Variants in HTR4 observed in about 807,000 individuals in gnomAD.
HTR4 encodes the protein 5-hydroxytryptamine (serotonin) receptor 4, G protein-coupled.
HTR4 carries 16 observed loss-of-function variants against 36.8 expected under a neutral mutation model. The observed-to-expected ratio is 0.43, with a 90% CI of 0.29 to 0.66. The LOEUF (loss-of-function observed/expected upper bound fraction) is 0.66, where lower values mean the gene tolerates loss of function less well. Ranked by LOEUF, HTR4 falls within the 30% of genes least tolerant of loss-of-function variation. HTR4 has a pLI of 0.13. For missense variants in HTR4, 438 were observed against 490.9 expected, an observed-to-expected ratio of 0.89 and a Z score of 1.02; for synonymous variants, 189 against 185.1, an observed-to-expected ratio of 1.02 and a Z score of -0.17.
rs553503838 is a variant in HTR4 at position 148,547,910 on chromosome 5, A to G, written c.353+758T>C. 7.2e-5 allele frequency among the ~76,000 whole-genome samples: 11 copies of G among 152,336 alleles called. No individual in the cohort carries two copies. In the South Asian group the frequency reaches 2.1e-3, roughly 29 times the overall value. On this transcript the variant is annotated intron_variant, in intron 4 of 6. Transcript: ENST00000377888. Reference sequence around the variant, plus strand: ...GAGAGCTAACCCCTAAGATACTACTACATTGATAACAGCATGTTTGTGTAG... The same window carrying G: ...GAGAGCTAACCCCTAAGATACTACTGCATTGATAACAGCATGTTTGTGTAG...
At chr5:148,603,287 T>G (rs1448185042) in intron 2 of HTR4, among the ~76,000 whole-genome samples, 1 of 152,072 alleles carries the variant, frequency 6.6e-6, no homozygotes, top group Non-Finnish European at 1.5e-5. Flanking sequence ...AGGAGAATAT[T>G]CATACCACCA....
At chr5:148,513,150 A>C (rs953298964) in intron 5 of HTR4, among the ~76,000 whole-genome samples, 1 of 151,764 alleles carries the variant, frequency 6.6e-6, no homozygotes, top group Admixed American at 6.6e-5. Context: ...CACCACCCCT[A>C]GTTAATTTTT....
chr5:148,452,783 T>C (rs1020030536), intron 5 of HTR4, among the ~76,000 whole-genome samples: 1 of 152,134 alleles, frequency 6.6e-6, no homozygotes, highest in African/African-American at 2.4e-5. Flanking sequence ...ACTTGCCAGA[T>C]AGGTCAGTGT....
chr5:148,638,249 G>A (rs955605170), intron 1 of HTR4, among the ~76,000 whole-genome samples: 3 of 152,200 alleles, frequency 2.0e-5, no homozygotes, highest in Non-Finnish European at 4.4e-5. Context: ...CTGGGCCTGG[G>A]GCAGGCATGG....
chr5:148,458,248 C>T (rs528167589), intron 5 of HTR4, among the ~76,000 whole-genome samples: 1 of 151,194 alleles, frequency 6.6e-6, no homozygotes, highest in South Asian at 2.1e-4. Flanking sequence ...GGCAGTTTCA[C>T]AAAAGCCAGA....
At chr5:148,484,766 A>G (rs1281811873) in intron 6 of HTR4, among the ~76,000 whole-genome samples, 1 of 152,186 alleles carries the variant, frequency 6.6e-6, no homozygotes, top group African/African-American at 2.4e-5. Flanking sequence ...AGATCTGAAC[A>G]TAGCTCTGAA....
At chr5:148,579,145 A>G (rs932645233) in intron 2 of HTR4, among the ~76,000 whole-genome samples, 1 of 152,144 alleles carries the variant, frequency 6.6e-6, no homozygotes, top group Non-Finnish European at 1.5e-5. Flanking sequence ...GGAACTGTAC[A>G]TAAGTGTTTA....
At chr5:148,459,743 A>C (rs550017693) in intron 5 of HTR4, among the ~76,000 whole-genome samples, 9 of 152,202 alleles carry the variant, frequency 5.9e-5, no homozygotes, top group East Asian at 5.8e-4. Context: ...GGCAAAAAAC[A>C]AAACCAAACC....
intron 2 of HTR4, among the ~76,000 whole-genome samples, chr5:148,555,107 T>TCAAG (rs1240870856): frequency 6.6e-6 from 1 of 152,172 alleles, no homozygotes; most frequent in African/African-American, 2.4e-5. Context: ...TGACCACATA[T>TCAAG]CAAGGTACTG....
intron 4 of HTR4, among the ~76,000 whole-genome samples, chr5:148,527,729 C>T (rs1758352488): frequency 6.6e-6 from 1 of 152,132 alleles, no homozygotes; most frequent in Non-Finnish European, 1.5e-5. Context: ...ATTCAGCTGC[C>T]TAGCTTCCTG....
At chr5:148,650,442 G>A (rs1259497262) in intron 1 of HTR4, among the ~76,000 whole-genome samples, 1 of 152,172 alleles carries the variant, frequency 6.6e-6, no homozygotes, top group African/African-American at 2.4e-5. Flanking sequence ...CTATTTGGTA[G>A]CCATTTACAT....
chr5:148,543,054 A>C (rs1759199622), intron 4 of HTR4, among the ~76,000 whole-genome samples: 1 of 152,230 alleles, frequency 6.6e-6, no homozygotes, highest in South Asian at 2.1e-4. Flanking sequence ...AAGCAAAGCC[A>C]ACGGAAATTC....
chr5:148,507,619 C>T (rs1757288378), intron 6 of HTR4, among the ~76,000 whole-genome samples: 2 of 150,932 alleles, frequency 1.3e-5, no homozygotes, highest in Admixed American at 1.3e-4. Flanking sequence ...ATGGAGTGTA[C>T]ATCCATATGC....
chr5:148,457,376 C>G (rs780491880), intron 5 of HTR4, among the ~76,000 whole-genome samples: 2 of 152,042 alleles, frequency 1.3e-5, no homozygotes, highest in Non-Finnish European at 2.9e-5. Context: ...TCAAACATGA[C>G]GGGAGCCACA....
intron 2 of HTR4, among the ~76,000 whole-genome samples, chr5:148,578,739 G>A (rs919638298): frequency 5.3e-5 from 8 of 152,098 alleles, no homozygotes; most frequent in South Asian, 2.1e-4. Context: ...CAATACCTAC[G>A]TCTTAGGATT....
intron 4 of HTR4, among the ~76,000 whole-genome samples, chr5:148,528,888 C>G (rs1758417217): frequency 6.6e-6 from 1 of 151,686 alleles, no homozygotes; most frequent in South Asian, 2.1e-4. Context: ...TGACCAAGGG[C>G]TCTGCTCATT....
intron 4 of HTR4, among the ~76,000 whole-genome samples, chr5:148,531,013 C>A (rs567012244): frequency 6.6e-6 from 1 of 152,310 alleles, no homozygotes; most frequent in African/African-American, 2.4e-5. Flanking sequence ...TTACCCAATG[C>A]CTATACCCTC....
At chr5:148,551,826 C>T (rs1156362487) in intron 2 of HTR4, among the ~76,000 whole-genome samples, 5 of 152,098 alleles carry the variant, frequency 3.3e-5, no homozygotes, top group Non-Finnish European at 5.9e-5. Flanking sequence ...AAAAGCTGTC[C>T]TGGGCTGCCT....
chr5:148,644,422 GTTTTTTTTT>G (rs1175588280), intron 1 of HTR4, among the ~76,000 whole-genome samples: 293 of 40,594 alleles, frequency 7.2e-3, no homozygotes, highest in African/African-American at 0.025. Context: ...AAGCTCACAA[GTTTTTTTTT>G]TTTTTTTTTT....
Sources: allele counts gnomAD v4.1 joint callset (sites outside exome capture counted in the v4.1 genomes callset), GRCh38; gene constraint gnomAD v4.1.1; transcripts MANE v1.5; gene names NCBI Gene and HGNC (gene_info 2026-07-23, HGNC 2026-07-21).